Variants in OR9Q1 observed in about 807,000 individuals in gnomAD.
OR9Q1 encodes olfactory receptor family 9 subfamily Q member 1.
For synonymous variants in OR9Q1, 153 were observed against 148.6 expected (o/e 1.03, Z -0.22); for missense variants, 374 against 378.8 (o/e 0.99, Z 0.11).
intron 2 of OR9Q1, among the ~76,000 whole-genome samples, chr11:58,130,934 AATT>A (rs1206425626): frequency 2.6e-5 from 4 of 152,214 alleles, no homozygotes; most frequent in Admixed American, 6.5e-5. Flanking sequence ...TAAAGGATGT[AATT>A]ATTAATATCT....
chr11:58,031,512 C>A (rs770696431), intron 1 of OR9Q1: 2 of 1,614,094 alleles, frequency 1.2e-6, no homozygotes, highest in African/African-American at 1.3e-5. Flanking sequence ...GATGCCTCAC[C>A]CTTGCTAGCC....
intron 2 of OR9Q1, among the ~76,000 whole-genome samples, chr11:58,127,246 G>A (rs988322202): frequency 1.3e-5 from 2 of 152,116 alleles, no homozygotes; most frequent in African/African-American, 4.8e-5. Flanking sequence ...CACCGTGCCC[G>A]GCCTCACTCC....
Position 58,095,582 on chromosome 11 carries a change from C to A in OR9Q1, c.-15+39635C>A, listed in dbSNP as rs910553992. Among the ~76,000 whole-genome samples the A allele has an allele frequency of 2.6e-5, 4 of 152,214 alleles. 1 individual carries two copies. Among genetic ancestry groups the A allele is most frequent in the Middle Eastern group, 6.8e-3 (2 of 294 alleles). On this transcript the variant is annotated intron_variant, in intron 2 of 2. Coordinates refer to ENST00000335397, the MANE Select transcript of OR9Q1 (RefSeq NM_001005212.4). ...AGCAAACATGTCTTTTTTCATATGGCAGCAGGAGAGAGAGTGAGTGCTGCA... is the reference window on the plus strand; with the variant it reads ...AGCAAACATGTCTTTTTTCATATGGAAGCAGGAGAGAGAGTGAGTGCTGCA...
At chr11:58,108,526 G>A (rs1853864837) in intron 2 of OR9Q1, among the ~76,000 whole-genome samples, 1 of 152,118 alleles carries the variant, frequency 6.6e-6, no homozygotes, top group South Asian at 2.1e-4. Context: ...TGGAGGTAGA[G>A]GAAGTCATCC....
intron 2 of OR9Q1, among the ~76,000 whole-genome samples, chr11:58,129,075 T>G (rs1482269027): frequency 6.6e-6 from 1 of 152,148 alleles, no homozygotes; most frequent in Admixed American, 6.5e-5. Flanking sequence ...CAGCACAGAT[T>G]TATTTCTTGC....
intron 1 of OR9Q1, among the ~76,000 whole-genome samples, chr11:58,042,767 C>T (rs1465885031): frequency 6.6e-6 from 1 of 152,176 alleles, no homozygotes; most frequent in Non-Finnish European, 1.5e-5. Flanking sequence ...ATTGATTCTT[C>T]CTACCCATTA....
chr11:58,173,745 T>C (rs1193033656), intron 2 of OR9Q1, among the ~76,000 whole-genome samples: 1 of 152,132 alleles, frequency 6.6e-6, no homozygotes, highest in Non-Finnish European at 1.5e-5. Flanking sequence ...GGTTTCAGAA[T>C]TGCTGTGGAC....
chr11:58,142,757 C>T (rs149683502), intron 2 of OR9Q1, among the ~76,000 whole-genome samples: 285 of 152,220 alleles, frequency 1.9e-3, no homozygotes, highest in Middle Eastern at 0.014. Context: ...CAATACCTGG[C>T]GAGAACCCCA....
chr11:58,034,771 T>TTCCTTCC (rs1565055149), intron 1 of OR9Q1, among the ~76,000 whole-genome samples: 2 of 94,470 alleles, frequency 2.1e-5, no homozygotes, highest in Non-Finnish European at 4.5e-5. Flanking sequence ...TCCTTCCTTC[T>TTCCTTCC]TCCTTCCCTC....
chr11:58,081,485 C>A (rs1853586777), intron 2 of OR9Q1, among the ~76,000 whole-genome samples: 1 of 152,062 alleles, frequency 6.6e-6, no homozygotes, highest in South Asian at 2.1e-4. Context: ...ATCTGTTGTT[C>A]CTTGAGTTTT....
At chr11:58,081,325 A>G (rs1421157624) in intron 2 of OR9Q1, among the ~76,000 whole-genome samples, 1 of 152,172 alleles carries the variant, frequency 6.6e-6, no homozygotes, top group African/African-American at 2.4e-5. Flanking sequence ...TCCTTTGGGT[A>G]TATACTCAGT....
chr11:58,121,536 C>T (rs750860220), intron 2 of OR9Q1, among the ~76,000 whole-genome samples: 7 of 152,276 alleles, frequency 4.6e-5, no homozygotes, highest in Non-Finnish European at 7.4e-5. Context: ...TGTAGAGGAG[C>T]CAGGATCCAC....
At chr11:58,101,666 G>T (rs984618118) in intron 2 of OR9Q1, among the ~76,000 whole-genome samples, 2 of 152,074 alleles carry the variant, frequency 1.3e-5, no homozygotes, top group African/African-American at 4.8e-5. Context: ...TCTTGTTTTG[G>T]TTGCATTTGG....
Position 58,180,310 on chromosome 11 carries a change from A to G in OR9Q1, c.866A>G (p.Tyr289Cys), listed in dbSNP as rs779677471. The G allele has an allele frequency of 1.2e-6, 2 of 1,612,492 alleles. No homozygotes were observed. Among genetic ancestry groups the G allele is most frequent in the South Asian group, 2.2e-5 (2 of 90,956 alleles). The change falls in exon 3 of 3, where the codon TAC (tyrosine) becomes TGC (cysteine). Residue 289 changes from tyrosine (Y) to cysteine (C), a missense_variant. Tyr to Cys is a radical substitution (Grantham distance 194). Transcript: ENST00000335397. ...EVIPMLNPLI[Y>C]SLRNKEVKEA... The stretch of plus-strand genomic sequence containing the variant: ...ATCCCCATGTTGAATCCCCTCATCT[A>G]CAGCCTGAGGAACAAGGAAGTGAAG...
intron 2 of OR9Q1, among the ~76,000 whole-genome samples, chr11:58,141,222 C>A (rs1181590021): frequency 1.3e-5 from 2 of 152,134 alleles, no homozygotes; most frequent in Non-Finnish European, 1.5e-5. Context: ...CCTTCTCCTG[C>A]CTAATTGCCC....
At chr11:58,074,501 A>T (rs185842624) in intron 2 of OR9Q1, among the ~76,000 whole-genome samples, 17 of 152,122 alleles carry the variant, frequency 1.1e-4, no homozygotes, top group Non-Finnish European at 4.4e-5. Context: ...GATTCTGGAT[A>T]TTAGACTTTT....
chr11:58,154,838 C>G (rs61902802), intron 2 of OR9Q1, among the ~76,000 whole-genome samples: 10 of 152,176 alleles, frequency 6.6e-5, no homozygotes, highest in Non-Finnish European at 1.0e-4. Flanking sequence ...TTTAGAGGTG[C>G]ATTCAGCCAT....
intron 2 of OR9Q1, among the ~76,000 whole-genome samples, chr11:58,176,564 G>T (rs946104649): frequency 6.6e-6 from 1 of 152,200 alleles, no homozygotes; most frequent in African/African-American, 2.4e-5. Flanking sequence ...AAAAACCAGT[G>T]AAGAGTGCAA....
chr11:58,154,659 A>G (rs1854388346), intron 2 of OR9Q1, among the ~76,000 whole-genome samples: 2 of 152,222 alleles, frequency 1.3e-5, no homozygotes, highest in Admixed American at 6.5e-5. Context: ...GACTATTGTA[A>G]TTACACTGAT....
Sources: allele counts gnomAD v4.1 joint callset (sites outside exome capture counted in the v4.1 genomes callset), GRCh38; gene constraint gnomAD v4.1.1; transcripts MANE v1.5; gene names NCBI Gene and HGNC (gene_info 2026-07-23, HGNC 2026-07-21).